CSMD1: variants seen among roughly 807,000 people sequenced by gnomAD.
CSMD1 encodes the protein CUB and Sushi multiple domains 1, also known as CUB and sushi domain-containing protein 1.
A neutral mutation model predicts 417.5 loss-of-function variants in CSMD1; 213 were observed. That is an observed-to-expected ratio of 0.51 (90% CI 0.46 to 0.57). The LOEUF is 0.57. CSMD1 is among the 20% of genes least tolerant of loss of function. CSMD1 has a pLI of 0.00. For synonymous variants in CSMD1, 2,862 were observed against 1,736.8 expected, an observed-to-expected ratio of 1.65 and a Z score of -16.11; for missense variants, 6,923 against 4,529.7, an observed-to-expected ratio of 1.53 and a Z score of -15.17.
intron 25 of CSMD1, among the ~76,000 whole-genome samples, chr8:3,285,054 G>T (rs1049786974): frequency 1.2e-4 from 18 of 152,050 alleles, no homozygotes; most frequent in Non-Finnish European, 2.6e-4. Flanking sequence ...CCTATTTAGG[G>T]CCATTGAAGC....
intron 3 of CSMD1, among the ~76,000 whole-genome samples, chr8:4,314,160 G>A (rs1046565294): frequency 1.7e-4 from 26 of 152,056 alleles, no homozygotes; most frequent in Admixed American, 1.5e-3. Flanking sequence ...GAAGTCTAAA[G>A]GCTTAAAAGC....
intron 25 of CSMD1, among the ~76,000 whole-genome samples, chr8:3,294,841 T>A (rs935324469): frequency 6.6e-6 from 1 of 152,114 alleles, no homozygotes; most frequent in African/African-American, 2.4e-5. Flanking sequence ...CTGCACCCAC[T>A]TTCCGACACT....
At chr8:4,420,679 A>G (rs1797200291) in intron 2 of CSMD1, among the ~76,000 whole-genome samples, 1 of 152,140 alleles carries the variant, frequency 6.6e-6, no homozygotes, top group Non-Finnish European at 1.5e-5. Context: ...TGCTCTTAGG[A>G]AAAGTGAGTG....
In CSMD1 at chr8:3,889,250, G is replaced by C. The variant is rs1271559569; in HGVS notation, c.818+108653C>G. Among the ~76,000 whole-genome samples, 3 of 151,520 alleles carry C rather than the reference G, an allele frequency of 2.0e-5. 1 individual carries two copies. Among genetic ancestry groups the C allele is most frequent in the Non-Finnish European group, 2.9e-5 (2 of 67,920 alleles). ...AAATTTAATAATGATAAATTAAAGA[G>C]AGATTTCTTAAATGTTTTTCTAGAA... On this transcript the variant is annotated intron_variant, in intron 5 of 69. Transcript: ENST00000635120.
chr8:4,922,981 A>C lies in CSMD1; in HGVS notation c.85+71351T>G, dbSNP rs1049617605. Among the ~76,000 whole-genome samples, 18 of 152,312 alleles carry C rather than the reference A, an allele frequency of 1.2e-4. No individual in the cohort carries two copies. The East Asian group carries it at 1.3e-3, about 11-fold the overall frequency. ...TTCCATCACAGAAATACTCACATTA[A>C]TGTGAACAGTAACAGTCCCTAGCAT... On this transcript the variant is annotated intron_variant, in intron 1 of 69. Transcript: ENST00000635120.
intron 3 of CSMD1, among the ~76,000 whole-genome samples, chr8:4,152,092 A>T (rs1796598739): frequency 6.6e-6 from 1 of 152,098 alleles, no homozygotes; most frequent in African/African-American, 2.4e-5. Context: ...CAAAGTCCAG[A>T]TTTATATGGG....
intron 27 of CSMD1, among the ~76,000 whole-genome samples, chr8:3,224,409 C>A (rs1798381445): frequency 6.6e-6 from 1 of 152,200 alleles, no homozygotes; most frequent in South Asian, 2.1e-4. Context: ...TGGATCTGAA[C>A]AAGTGTTCAG....
chr8:3,652,376 C>G (rs540548111), intron 7 of CSMD1, among the ~76,000 whole-genome samples: 2 of 152,316 alleles, frequency 1.3e-5, no homozygotes, highest in East Asian at 3.9e-4. Context: ...ACCATCAGAG[C>G]GCTTAGCACC....
At chr8:4,358,269 G>C (rs1474014778) in intron 3 of CSMD1, among the ~76,000 whole-genome samples, 2 of 152,174 alleles carry the variant, frequency 1.3e-5, no homozygotes, top group South Asian at 4.1e-4. Flanking sequence ...CTTTACCAGT[G>C]GGTGTGGAGC....
intron 3 of CSMD1, among the ~76,000 whole-genome samples, chr8:4,316,778 C>T (rs946826803): frequency 6.6e-6 from 1 of 152,058 alleles, no homozygotes; most frequent in Admixed American, 6.6e-5. Context: ...CTTTTCAAAT[C>T]CAGAAGTAAA....
At chr8:4,169,356 G>A (rs3849830) in intron 3 of CSMD1, among the ~76,000 whole-genome samples, 48 of 151,900 alleles carry the variant, frequency 3.2e-4, no homozygotes, top group Non-Finnish European at 5.9e-4. Flanking sequence ...GATAAATGGC[G>A]ACTGCGTTTT....
chr8:3,978,182 G>T (rs1813586397), intron 5 of CSMD1, among the ~76,000 whole-genome samples: 1 of 152,228 alleles, frequency 6.6e-6, no homozygotes, highest in East Asian at 1.9e-4. Flanking sequence ...CTGTCTGCAG[G>T]ACTCCTGTTA....
chr8:2,997,937 G>C, intron 54 of CSMD1, 74 bp downstream of exon 54: 1 of 1,397,508 alleles, frequency 7.2e-7, no homozygotes. Flanking sequence ...CATGGAGACA[G>C]GCTCTTGATG....
chr8:4,754,203 T>C (rs1005674364), intron 1 of CSMD1, among the ~76,000 whole-genome samples: 2 of 152,166 alleles, frequency 1.3e-5, no homozygotes, highest in African/African-American at 4.8e-5. Context: ...CATTCATCTC[T>C]ACAACTCTTA....
intron 25 of CSMD1, among the ~76,000 whole-genome samples, chr8:3,286,167 T>C (rs2117248954): frequency 6.6e-6 from 1 of 152,322 alleles, no homozygotes; most frequent in East Asian, 1.9e-4. Flanking sequence ...CATACTTCTT[T>C]ATGGCTGCAT....
chr8:4,731,471 C>T (rs1001281100), intron 1 of CSMD1, among the ~76,000 whole-genome samples: 2 of 152,182 alleles, frequency 1.3e-5, no homozygotes, highest in African/African-American at 2.4e-5. Flanking sequence ...AACAACTTGC[C>T]TTGGAAAGGA....
chr8:3,407,771 A>T lies in CSMD1; in HGVS notation c.2071+128T>A, dbSNP rs565341939. ...ATAACACTATAATTTTACTACTGTC[A>T]TTTTCATAATGATTATAAAACCTCT... On this transcript the variant is annotated intron_variant, in intron 14 of 69. Transcript: ENST00000635120. 1.0e-4 allele frequency: 87 copies of T among 828,614 alleles called. No homozygotes were observed. The African/African-American group carries it at 1.3e-3, about 13-fold the overall frequency. The allele number at this position is 828,614 out of a possible 1,614,324, so 51.3% of individuals were successfully genotyped here.
At chr8:3,490,693 T>C (rs1162425270) in intron 11 of CSMD1, among the ~76,000 whole-genome samples, 5 of 152,096 alleles carry the variant, frequency 3.3e-5, no homozygotes, top group Non-Finnish European at 1.5e-5. Context: ...AGCAAATAGC[T>C]GGAGCCAGAA....
intron 1 of CSMD1, among the ~76,000 whole-genome samples, chr8:4,951,227 A>G (rs1301584998): frequency 6.6e-6 from 1 of 152,086 alleles, no homozygotes; most frequent in Admixed American, 6.6e-5. Flanking sequence ...ATTAATCCAC[A>G]AAGAAACTGT....
Sources: allele counts gnomAD v4.1 joint callset (sites outside exome capture counted in the v4.1 genomes callset), GRCh38; gene constraint gnomAD v4.1.1; transcripts MANE v1.5; gene names NCBI Gene and HGNC (gene_info 2026-07-23, HGNC 2026-07-21).